FAM180A: variants seen among roughly 807,000 people sequenced by gnomAD.
The protein encoded by FAM180A is protein FAM180A.
Under a neutral mutation model 15.3 loss-of-function variants are expected in FAM180A, and 14 were observed. The ratio of observed to expected loss-of-function variants is 0.92; its 90% CI spans 0.61 to 1.43. The LOEUF is 1.43. Ranked by LOEUF, FAM180A falls within the 40% of genes most tolerant of loss-of-function variation. The probability of loss-of-function intolerance (pLI) is 0.00; values close to 1 mark genes in which losing one functional copy is unlikely to be tolerated. For synonymous variants in FAM180A, 90 were observed against 96.8 expected, an observed-to-expected ratio of 0.93 and a Z score of 0.41; for missense variants, 200 against 220.8, an observed-to-expected ratio of 0.91 and a Z score of 0.60.
chr7:135,730,552 AAACCC>A (rs1796766853), intron 3 of FAM180A, among the ~76,000 whole-genome samples: 1 of 152,140 alleles, frequency 6.6e-6, no homozygotes, highest in Non-Finnish European at 1.5e-5. Context: ...CAAAACAAAA[AAACCC>A]ACAAAGTTTT....
intron 1 of FAM180A, among the ~76,000 whole-genome samples, chr7:135,737,617 A>G (rs1244262982): frequency 1.4e-5 from 2 of 146,090 alleles, no homozygotes; most frequent in South Asian, 2.2e-4. Flanking sequence ...AAGAAAGAAA[A>G]AAAAAAGGAC....
At chr7:135,742,661 C>A (rs189643955) in intron 1 of FAM180A, among the ~76,000 whole-genome samples, 1 of 152,320 alleles carries the variant, frequency 6.6e-6, no homozygotes, top group East Asian at 1.9e-4. Context: ...ATCCAGAGTT[C>A]ATGATTCATG....
chr7:135,744,504 C>G (rs1035631448), intron 1 of FAM180A, among the ~76,000 whole-genome samples: 4 of 152,182 alleles, frequency 2.6e-5, no homozygotes, highest in Non-Finnish European at 5.9e-5. Flanking sequence ...CCTCTGGAAA[C>G]AGAGTGCTAT....
At chr7:135,735,381 G>A (rs1166440580) in intron 2 of FAM180A, among the ~76,000 whole-genome samples, 1 of 152,212 alleles carries the variant, frequency 6.6e-6, no homozygotes, top group African/African-American at 2.4e-5. Flanking sequence ...GGAATCAAGT[G>A]GGACACAGAT....
At chr7:135,734,391 C>T in intron 2 of FAM180A, 72 bp from the exon 3 acceptor site, 2 of 1,423,666 alleles carry the variant, frequency 1.4e-6, no homozygotes, top group South Asian at 2.8e-5. Context: ...CATTATCACG[C>T]ACCTTCCCTT....
rs1797062683 is a variant in FAM180A, at chr7:135,748,488, A to C, written c.76+17T>G. 6.2e-7 allele frequency: 1 copy of C among 1,606,684 alleles called. No individual in the cohort carries two copies. Among genetic ancestry groups the C allele is most frequent in the South Asian group, 1.1e-5 (1 of 90,864 alleles). On this transcript the variant is annotated intron_variant, in intron 1 of 3. Coordinates refer to ENST00000338588, the MANE Select transcript of FAM180A (RefSeq NM_205855.4). The stretch of plus-strand genomic sequence containing the variant: ...ATAATGAGCATCAAACAAACAAATG[A>C]ATAAAAAGCAACTCACCCCTGCTCC...
At position 135,734,091 on chromosome 7, in the gene FAM180A, G is replaced by T. The variant is rs150477398; in HGVS notation, c.406C>A (p.Arg136Ser). ...TVLTLAYTAYRTALSHGHQKD... is the reference protein window; with the variant it reads ...TVLTLAYTAYSTALSHGHQKD... ...TGATGGCCGTGGGACAGGGCTGTGC[G>T]GTAGGCTGTGTAGGCCAGGGTCAGC... The change falls in exon 3 of 4, where the codon CGC becomes AGC. Residue 136 changes from arginine (R) to serine (S), a missense_variant. Physicochemically the swap from Arg to Ser is moderately radical, Grantham distance 110 (BLOSUM62 -1). Transcript: ENST00000338588. 1 of 1,614,208 alleles carries T rather than the reference G, an allele frequency of 6.2e-7. No homozygotes were observed. The highest frequency in any genetic ancestry group is 8.5e-7 in the Non-Finnish European group (1 of 1,180,040).
At chr7:135,742,685 T>C (rs914381637) in intron 1 of FAM180A, among the ~76,000 whole-genome samples, 3 of 152,236 alleles carry the variant, frequency 2.0e-5, no homozygotes, top group Non-Finnish European at 4.4e-5. Flanking sequence ...TATAGCGTGT[T>C]CTGTCCATGT....
chr7:135,741,153 C>T (rs184343655), intron 1 of FAM180A, among the ~76,000 whole-genome samples: 64 of 152,282 alleles, frequency 4.2e-4, no homozygotes, highest in Non-Finnish European at 8.1e-4. Flanking sequence ...CTTTAACATG[C>T]TCACCCCAGA....
intron 1 of FAM180A, among the ~76,000 whole-genome samples, chr7:135,742,360 C>A (rs1414050464): frequency 6.6e-6 from 1 of 152,156 alleles, no homozygotes; most frequent in African/African-American, 2.4e-5. Context: ...ATGGCTGAAA[C>A]AAGGGCTGGC....
chr7:135,737,279 A>G, intron 1 of FAM180A, 80 bp from the exon 2 acceptor site: 1 of 1,158,708 alleles, frequency 8.6e-7, no homozygotes. Flanking sequence ...GAAGGTAGTC[A>G]AGGAGTCTTA....
chr7:135,729,817 A>T lies in FAM180A; in HGVS notation c.*794T>A. On this transcript the variant is annotated 3_prime_UTR_variant, in exon 4 of 4. Transcript: ENST00000338588. ...AGTAGTCAGACTCTCAAAAACAGAA[A>T]GCAGAATAATGGTGCCAAGAGCTGG... The T allele has an allele frequency of 7.5e-6, 7 of 932,398 alleles. No homozygotes were observed. The highest frequency in any genetic ancestry group is 7.7e-6 in the Non-Finnish European group (6 of 781,648). 57.8% of individuals were successfully genotyped at this position (932,398 alleles called of 1,614,324 possible). A position where few individuals can be genotyped will look rare whatever the true frequency, so the allele number is the denominator to read the frequency against.
At chr7:135,736,660 A>C (rs886351836) in intron 2 of FAM180A, among the ~76,000 whole-genome samples, 2 of 152,154 alleles carry the variant, frequency 1.3e-5, no homozygotes, top group African/African-American at 4.8e-5. Context: ...GGCTTCCAGA[A>C]ACCCAGCTAG....
Position 135,729,939 on chromosome 7 carries a change from G to T in FAM180A, c.*672C>A, listed in dbSNP as rs1796757604. Reference sequence around the variant, plus strand: ...GTTCCGGGGGTCTGTTTCACAACATGCATGGAGTTAACACTGCTGTACCAT... The same window carrying T: ...GTTCCGGGGGTCTGTTTCACAACATTCATGGAGTTAACACTGCTGTACCAT... On this transcript the variant is annotated 3_prime_UTR_variant, in exon 4 of 4. Transcript: ENST00000338588. 2 of 792,660 alleles carry T rather than the reference G, an allele frequency of 2.5e-6. No individual in the cohort carries two copies. Among genetic ancestry groups the T allele is most frequent in the Non-Finnish European group, 3.1e-6 (2 of 654,414 alleles). 49.1% of individuals were successfully genotyped at this position (792,660 alleles called of 1,614,324 possible).
intron 1 of FAM180A, among the ~76,000 whole-genome samples, chr7:135,741,349 C>T (rs1333263782): frequency 1.3e-5 from 2 of 151,942 alleles, no homozygotes; most frequent in Admixed American, 6.6e-5. Context: ...TAAGTGTGTA[C>T]CAAAAATTAA....
At position 135,734,177 on chromosome 7, in the gene FAM180A, A is replaced by G; in HGVS notation, c.320T>C (p.Leu107Pro). 6.2e-7 allele frequency: 1 copy of G among 1,614,176 alleles called. No individual in the cohort carries two copies. Residue 107 changes from leucine (L) to proline (P), a missense_variant, in exon 3 of 4, where the codon CTC (leucine) becomes CCC (proline). Physicochemically the swap from Leu to Pro is moderately conservative, Grantham distance 98. Transcript: ENST00000338588. ...AGGGTGGCTGGAGAGGCTGGCGCTG[A>G]GCCGGCGGATGTCTGGGATGCTCTT... The part of the protein sequence containing the change: ...IPKSIPDIRR[L>P]SASLSSHPGI...
chr7:135,734,154 G>T lies in FAM180A; in HGVS notation c.343C>A (p.Pro115Thr). The T allele has an allele frequency of 6.2e-7, 1 of 1,614,166 alleles. No individual in the cohort carries two copies. The highest frequency in any genetic ancestry group is 8.5e-7 in the Non-Finnish European group (1 of 1,180,036). Residue 115 changes from proline (P) to threonine (T), a missense_variant, in exon 3 of 4, where the codon CCT becomes ACT. Pro to Thr is a conservative substitution (Grantham distance 38). Coordinates refer to ENST00000338588, the MANE Select transcript of FAM180A (RefSeq NM_205855.4). Reference protein sequence around the residue: ...RRLSASLSSHPGILKKEDFER... With the variant: ...RRLSASLSSHTGILKKEDFER... ...AAGTCTTCTTTCTTGAGGATGCCAGGGTGGCTGGAGAGGCTGGCGCTGAGC... is the reference window on the plus strand; with the variant it reads ...AAGTCTTCTTTCTTGAGGATGCCAGTGTGGCTGGAGAGGCTGGCGCTGAGC...
chr7:135,734,141 T>C lies in FAM180A; in HGVS notation c.356A>G (p.Lys119Arg). 6.2e-7 allele frequency: 1 copy of C among 1,614,174 alleles called. No homozygotes were observed. Among genetic ancestry groups the C allele is most frequent in the East Asian group, 2.2e-5 (1 of 44,886 alleles). Reference sequence around the variant, plus strand: ...CACTGTCCTTTCAAAGTCTTCTTTCTTGAGGATGCCAGGGTGGCTGGAGAG... The same window carrying C: ...CACTGTCCTTTCAAAGTCTTCTTTCCTGAGGATGCCAGGGTGGCTGGAGAG... Reference protein sequence around the residue: ...ASLSSHPGILKKEDFERTVLT... With the variant: ...ASLSSHPGILRKEDFERTVLT... The change falls in exon 3 of 4, where the codon AAG becomes AGG. Residue 119 changes from lysine (K) to arginine (R), a missense_variant. By Grantham distance (26) the Lys-to-Arg change is conservative. Coordinates refer to ENST00000338588, the MANE Select transcript of FAM180A (RefSeq NM_205855.4).
In FAM180A at chr7:135,748,798, C is replaced by T. The variant is rs977249211; in HGVS notation, c.-218G>A. 3 of 555,454 alleles carry T rather than the reference C, an allele frequency of 5.4e-6. No individual in the cohort carries two copies. Among genetic ancestry groups the T allele is most frequent in the Admixed American group, 6.3e-5 (2 of 31,852 alleles). The allele number at this position is 555,454 out of a possible 1,614,324, so 34.4% of individuals were successfully genotyped here. On this transcript the variant is annotated 5_prime_UTR_variant, in exon 1 of 4. Coordinates refer to ENST00000338588, the MANE Select transcript of FAM180A (RefSeq NM_205855.4). ...GGTACCTCTCTTCATTTGACGCTCT[C>T]TGGGATTGGGGAACTGGCCTTCCAC...
Sources: gnomAD v4.1 joint callset for allele counts (sites outside exome capture counted in the v4.1 genomes callset) on GRCh38, gnomAD v4.1.1 for gene constraint, MANE v1.5 for transcripts, NCBI Gene and HGNC (gene_info 2026-07-23, HGNC 2026-07-21) for gene names.